The following MYH3 variants were observed in gnomAD, a reference collection of about 807,000 sequenced individuals.
MYH3 encodes the protein myosin heavy chain 3.
MYH3 carries 130 observed loss-of-function variants against 238.0 expected under a neutral mutation model. The ratio of observed to expected loss-of-function variants is 0.55; its 90% CI spans 0.47 to 0.63. The LOEUF (loss-of-function observed/expected upper bound fraction) is 0.63, where lower values mean the gene tolerates loss of function less well. Ranked by LOEUF, MYH3 falls within the 30% of genes least tolerant of loss-of-function variation. The pLI is 0.00. For synonymous variants in MYH3, 880 were observed against 924.1 expected, an observed-to-expected ratio of 0.95 and a Z score of 0.86; for missense variants, 1,853 against 2,374.9, an observed-to-expected ratio of 0.78 and a Z score of 4.57.
In MYH3 at chr17:10,651,641, C is replaced by T. The variant is rs201787435; in HGVS notation, c.376G>A (p.Val126Ile). The T allele has an allele frequency of 6.2e-7, 1 of 1,613,822 alleles. No individual in the cohort carries two copies. Among genetic ancestry groups the T allele is most frequent in the African/African-American group, 1.3e-5 (1 of 74,902 alleles). ...ACCGGCAGCCACTTGTAGGGGTTGA[C>T]AGTGACACAGAAGAGGCCTGAGTAG... ...YTYSGLFCVTVNPYKWLPVYN... is the reference protein window; with the variant it reads ...YTYSGLFCVTINPYKWLPVYN... The change falls in exon 5 of 41, where the codon GTC (valine) becomes ATC (isoleucine). Residue 126 changes from valine to isoleucine, a missense_variant. Coordinates refer to ENST00000583535, the MANE Select transcript of MYH3 (RefSeq NM_002470.4).
chr17:10,645,676 G>A (rs1024708530), intron 12 of MYH3, 31 bp downstream of exon 12: 6 of 1,611,418 alleles, frequency 3.7e-6, no homozygotes, highest in East Asian at 2.2e-5. Flanking sequence ...TCAGCCACCC[G>A]CTCTGGTTTG....
chr17:10,633,004 G>C lies in MYH3; in HGVS notation c.4648-220C>G, dbSNP rs757313335. Among the ~76,000 whole-genome samples the C allele has an allele frequency of 1.1e-4, 16 of 152,306 alleles. 1 individual carries two copies. Among genetic ancestry groups the C allele is most frequent in the Middle Eastern group, 6.8e-3 (2 of 294 alleles). ...AGGGGGGCAGATCACCTGAGGTCAC[G>C]AGTTTGAGACCAGCCTGACCAATGT... On this transcript the variant is annotated intron_variant, in intron 33 of 40. Coordinates refer to ENST00000583535, the MANE Select transcript of MYH3 (RefSeq NM_002470.4).
In MYH3 at chr17:10,647,284, G is replaced by T; in HGVS notation, c.800-4C>A. On this transcript the variant is annotated splice_region_variant and splice_polypyrimidine_tract_variant and intron_variant, in intron 9 of 40. Transcript: ENST00000583535. Reference sequence around the variant, plus strand: ...ACTCTTGATTTTTCCAGAAGATCTGGAACACAAACACAGGACTCTCTTTCA... The same window carrying T: ...ACTCTTGATTTTTCCAGAAGATCTGTAACACAAACACAGGACTCTCTTTCA... 6.2e-7 allele frequency: 1 copy of T among 1,613,988 alleles called. No individual in the cohort carries two copies. The highest frequency in any genetic ancestry group is 8.5e-7 in the Non-Finnish European group (1 of 1,179,862).
At chr17:10,640,818 C>G (rs1262352239) in intron 19 of MYH3, 132 bp from the exon 20 acceptor site, 1 of 1,166,306 alleles carries the variant, frequency 8.6e-7, no homozygotes, top group Non-Finnish European at 1.2e-6. Context: ...AGCTCGGAGT[C>G]ACATTGCTAG....
At chr17:10,636,616 G>A (rs1024102163) in intron 28 of MYH3, among the ~76,000 whole-genome samples, 1 of 146,000 alleles carries the variant, frequency 6.8e-6, no homozygotes, top group Non-Finnish European at 1.5e-5. Context: ...CCCCAACATG[G>A]TAAAAGTGGC....
In MYH3 at chr17:10,630,075, G is replaced by C; in HGVS notation, c.5562+17C>G. The C allele has an allele frequency of 6.2e-7, 1 of 1,611,472 alleles. No homozygotes were observed. Among genetic ancestry groups the C allele is most frequent in the Non-Finnish European group, 8.5e-7 (1 of 1,177,582 alleles). On this transcript the variant is annotated intron_variant, in intron 38 of 40. Transcript: ENST00000583535. ...ACGTCACAGAGGACACGATCATGGC[G>C]TTTGCGTTCCACTTACCTGGTACGT...
chr17:10,663,633 G>A, the MYH3 span, among the ~76,000 whole-genome samples: 2 of 152,078 alleles, frequency 1.3e-5, no homozygotes, highest in Non-Finnish European at 2.9e-5. Flanking sequence ...TCTGGGAGGG[G>A]AAATGGGTGG....
intron 36 of MYH3, 91 bp from the exon 37 acceptor site, chr17:10,630,549 A>G: frequency 1.3e-6 from 2 of 1,581,190 alleles, no homozygotes; most frequent in Non-Finnish European, 1.7e-6. Flanking sequence ...ACCAGAGACC[A>G]TGCTAAAGAA....
intron 9 of MYH3, 36 bp downstream of exon 9, chr17:10,647,327 T>G: frequency 6.2e-7 from 1 of 1,613,872 alleles, no homozygotes; most frequent in Non-Finnish European, 8.5e-7. Context: ...CCCAGTTAAC[T>G]CTGAGACGCC....
chr17:10,631,498 AG>A, intron 36 of MYH3, 112 bp downstream of exon 36: 1 of 1,508,842 alleles, frequency 6.6e-7, no homozygotes, highest in Non-Finnish European at 9.1e-7. Context: ...GCCCTCGGGG[AG>A]CAGAATGTGC....
intron 30 of MYH3, 135 bp downstream of exon 30, chr17:10,635,232 T>C: frequency 1.4e-6 from 2 of 1,455,034 alleles, no homozygotes; most frequent in Non-Finnish European, 1.9e-6. Context: ...TAATAAAATG[T>C]GCTAACGCCA....
chr17:10,646,940 C>T (rs113981968), intron 10 of MYH3, among the ~76,000 whole-genome samples: 7 of 152,146 alleles, frequency 4.6e-5, no homozygotes, highest in African/African-American at 1.4e-4. Context: ...CGCAGCCACT[C>T]GGGAGGCTGG....
At chr17:10,629,185 C>T (rs2074125234) in intron 40 of MYH3, among the ~76,000 whole-genome samples, 2 of 152,106 alleles carry the variant, frequency 1.3e-5, no homozygotes, top group Admixed American at 6.6e-5. Context: ...CTTGCCGCCC[C>T]CACCCCCGGA....
chr17:10,638,672 T>A (rs886504359), intron 26 of MYH3, among the ~76,000 whole-genome samples: 4 of 152,262 alleles, frequency 2.6e-5, no homozygotes, highest in Admixed American at 2.6e-4. Flanking sequence ...TTAACTTAAA[T>A]ACTTTAATTA....
the MYH3 span, among the ~76,000 whole-genome samples, chr17:10,666,568 C>T: frequency 7.7e-6 from 1 of 130,252 alleles, no homozygotes; most frequent in Non-Finnish European, 1.6e-5. Context: ...AGAGTGAGAC[C>T]TTGTCTCTAC....
intron 3 of MYH3, among the ~76,000 whole-genome samples, chr17:10,653,786 G>T (rs3815009): frequency 6.6e-6 from 1 of 151,978 alleles, no homozygotes; most frequent in Non-Finnish European, 1.5e-5. Context: ...AAACCATCCC[G>T]GCCAATGGGC....
chr17:10,640,624 C>T lies in MYH3; in HGVS notation c.2228G>A (p.Cys743Tyr). 1 of 1,614,228 alleles carries T rather than the reference C, an allele frequency of 6.2e-7. No homozygotes were observed. Among genetic ancestry groups the T allele is most frequent in the Non-Finnish European group, 8.5e-7 (1 of 1,180,032 alleles). The change falls in exon 20 of 41, where the codon TGT becomes TAT. Residue 743 changes from cysteine to tyrosine, a missense_variant. Around this residue, in one of 3 missense-constraint regions of MYH3, gnomAD observed 678 missense variants for 1,058.9 expected, o/e 0.64. Transcript: ENST00000583535. ...EGQFIDSKKA[C>Y]EKLLASIDID... Reference sequence around the variant, plus strand: ...ATCAATGGATGCCAGAAGCTTTTCACAGGCTTTCTTGCTGTCAATGAATTG... The same window carrying T: ...ATCAATGGATGCCAGAAGCTTTTCATAGGCTTTCTTGCTGTCAATGAATTG...
In MYH3 at chr17:10,652,464, C is replaced by T. The variant is rs983358916; in HGVS notation, c.304G>A (p.Val102Met). 5 of 1,614,094 alleles carry T rather than the reference C, an allele frequency of 3.1e-6. No individual in the cohort carries two copies. Among genetic ancestry groups the T allele is most frequent in the African/African-American group, 1.3e-5 (1 of 75,008 alleles). Residue 102 changes from valine (V) to methionine (M), a missense_variant, in exon 4 of 41, where the codon GTG (valine) becomes ATG (methionine). Val to Met is a conservative substitution (Grantham distance 21). Around this residue, in one of 3 missense-constraint regions of MYH3, gnomAD observed 678 missense variants for 1,058.9 expected, o/e 0.64. Coordinates refer to ENST00000583535, the MANE Select transcript of MYH3 (RefSeq NM_002470.4). ...AMLTHLNEPA[V>M]LYNLKDRYTS... ...TAACGGTCCTTCAGGTTGTACAGCA[C>T]GGCTGGCTCATTCAGGTGCGTCAGC...
chr17:10,631,727 G>A lies in MYH3; in HGVS notation c.5170C>T (p.Leu1724Phe). Reference sequence around the variant, plus strand: ...TCCAGCTTCTTCTTGGTGTGGATGAGGCTGGTGTTCTAGGGCAAGAGGAGG... The same window carrying A: ...TCCAGCTTCTTCTTGGTGTGGATGAAGCTGGTGTTCTAGGGCAAGAGGAGG... ...VQLLHTQNTSLIHTKKKLETD... is the reference protein window; with the variant it reads ...VQLLHTQNTSFIHTKKKLETD... Residue 1724 changes from leucine to phenylalanine, a missense_variant, in exon 36 of 41, where the codon CTC (leucine) becomes TTC (phenylalanine). Physicochemically the swap from Leu to Phe is conservative, Grantham distance 22. Around this residue, in one of 3 missense-constraint regions of MYH3, gnomAD observed 1,044 missense variants for 1,192.6 expected, o/e 0.88. Coordinates refer to ENST00000583535, the MANE Select transcript of MYH3 (RefSeq NM_002470.4). 1 of 1,614,148 alleles carries A rather than the reference G, an allele frequency of 6.2e-7. No individual in the cohort carries two copies. The highest frequency in any genetic ancestry group is 1.3e-5 in the African/African-American group (1 of 75,020).
Sources: gnomAD v4.1 joint callset for allele counts (sites outside exome capture counted in the v4.1 genomes callset) on GRCh38, gnomAD v4.1.1 for gene constraint, gnomAD v4.1.1 regional missense constraint, MANE v1.5 for transcripts, NCBI Gene and HGNC (gene_info 2026-07-23, HGNC 2026-07-21) for gene names.